The following RNF150 variants were observed in gnomAD, a reference collection of about 807,000 sequenced individuals.
RNF150 encodes ring finger protein 150.
Under a neutral mutation model 39.3 loss-of-function variants are expected in RNF150, and 24 were observed. That is an observed-to-expected ratio of 0.61 (90% CI 0.44 to 0.86). The LOEUF is 0.86. Among genes scored for constraint, RNF150 ranks in the 40% least tolerant of loss-of-function variants. The probability of loss-of-function intolerance (pLI) is 0.00; values close to 1 mark genes in which losing one functional copy is unlikely to be tolerated. For synonymous variants in RNF150, 255 were observed against 227.3 expected, an observed-to-expected ratio of 1.12 and a Z score of -1.10; for missense variants, 502 against 587.8, an observed-to-expected ratio of 0.85 and a Z score of 1.51.
intron 1 of RNF150, among the ~76,000 whole-genome samples, chr4:141,193,083 A>T (rs770940121): frequency 1.3e-5 from 2 of 152,134 alleles, no homozygotes; most frequent in Non-Finnish European, 2.9e-5. Context: ...TCTTCTTAGC[A>T]CTTATCTTTA....
chr4:140,893,273 G>T (rs915198252), intron 6 of RNF150, among the ~76,000 whole-genome samples: 3 of 152,108 alleles, frequency 2.0e-5, no homozygotes, highest in Admixed American at 1.3e-4. Context: ...TATTTTGCAA[G>T]ACTGCATCTC....
intron 1 of RNF150, among the ~76,000 whole-genome samples, chr4:141,143,591 G>A (rs957951804): frequency 6.6e-6 from 1 of 152,170 alleles, no homozygotes; most frequent in Admixed American, 6.5e-5. Flanking sequence ...GTCTCCACAC[G>A]GCAAGTCAGT....
intron 1 of RNF150, among the ~76,000 whole-genome samples, chr4:141,042,056 A>C (rs1736394076): frequency 6.6e-6 from 1 of 152,078 alleles, no homozygotes; most frequent in African/African-American, 2.4e-5. Context: ...TTGATGATTC[A>C]AGAATATAAA....
chr4:140,946,615 T>C (rs1355543006), intron 4 of RNF150, among the ~76,000 whole-genome samples: 1 of 152,140 alleles, frequency 6.6e-6, no homozygotes, highest in Non-Finnish European at 1.5e-5. Flanking sequence ...TCCTCCTGAG[T>C]AGCCAGGATT....
chr4:141,176,620 A>G (rs995095988), intron 1 of RNF150, among the ~76,000 whole-genome samples: 6 of 152,170 alleles, frequency 3.9e-5, no homozygotes, highest in African/African-American at 1.4e-4. Flanking sequence ...CTAATTTATA[A>G]ATACTTCCTT....
At chr4:140,972,518 A>G (rs1391540964) in intron 1 of RNF150, among the ~76,000 whole-genome samples, 2 of 152,196 alleles carry the variant, frequency 1.3e-5, no homozygotes, top group Non-Finnish European at 2.9e-5. Flanking sequence ...TTGTCCTCCA[A>G]TATTGGGCCT....
At chr4:141,155,794 C>G (rs893300709) in intron 1 of RNF150, among the ~76,000 whole-genome samples, 1 of 152,158 alleles carries the variant, frequency 6.6e-6, no homozygotes, top group African/African-American at 2.4e-5. Flanking sequence ...GCCAGGAATG[C>G]TGGTCAATTG....
At chr4:140,929,335 C>T (rs1004689588) in intron 4 of RNF150, among the ~76,000 whole-genome samples, 1 of 141,178 alleles carries the variant, frequency 7.1e-6, no homozygotes, top group Non-Finnish European at 1.5e-5. Context: ...ACTGGTCATT[C>T]TTACACCTCC....
intron 1 of RNF150, among the ~76,000 whole-genome samples, chr4:141,019,838 A>G (rs1172399917): frequency 1.3e-5 from 2 of 152,196 alleles, no homozygotes; most frequent in Non-Finnish European, 2.9e-5. Flanking sequence ...AGGCAGCTTT[A>G]AACACGTAAA....
chr4:141,076,798 ATAGTT>A (rs1375054228), intron 1 of RNF150, among the ~76,000 whole-genome samples: 1 of 152,114 alleles, frequency 6.6e-6, no homozygotes, highest in African/African-American at 2.4e-5. Context: ...TAAATACTAA[ATAGTT>A]TAGTTTTTTT....
At chr4:141,007,128 C>T (rs1015680156) in intron 1 of RNF150, among the ~76,000 whole-genome samples, 1 of 152,140 alleles carries the variant, frequency 6.6e-6, no homozygotes, top group Non-Finnish European at 1.5e-5. Context: ...AGTAATAAAT[C>T]CCCATCTCTT....
At chr4:141,165,078 C>T (rs901684827) in intron 1 of RNF150, among the ~76,000 whole-genome samples, 1 of 151,932 alleles carries the variant, frequency 6.6e-6, no homozygotes, top group Non-Finnish European at 1.5e-5. Flanking sequence ...ACAGACATAG[C>T]CTAAAACTAA....
At chr4:141,184,983 G>A (rs1413082412) in intron 1 of RNF150, among the ~76,000 whole-genome samples, 2 of 148,604 alleles carry the variant, frequency 1.3e-5, no homozygotes, top group East Asian at 4.0e-4. Flanking sequence ...TGTTCTTTTT[G>A]CTTCAGATTG....
intron 4 of RNF150, among the ~76,000 whole-genome samples, chr4:140,944,364 C>T (rs1209574906): frequency 6.6e-6 from 1 of 152,110 alleles, no homozygotes; most frequent in African/African-American, 2.4e-5. Context: ...TGAGGCTGAG[C>T]AGCTTTGTGG....
At chr4:141,100,944 G>T (rs1219154936) in intron 1 of RNF150, among the ~76,000 whole-genome samples, 1 of 152,128 alleles carries the variant, frequency 6.6e-6, no homozygotes, top group Non-Finnish European at 1.5e-5. Flanking sequence ...ATTTAAAATG[G>T]TACACCCGTT....
chr4:141,046,762 C>A (rs1403112519), intron 1 of RNF150, among the ~76,000 whole-genome samples: 2 of 152,098 alleles, frequency 1.3e-5, no homozygotes, highest in Non-Finnish European at 2.9e-5. Context: ...AGAGTGCCTC[C>A]CTCATACGAT....
At chr4:140,935,774 A>C (rs1440402567) in intron 4 of RNF150, among the ~76,000 whole-genome samples, 3 of 152,174 alleles carry the variant, frequency 2.0e-5, no homozygotes, top group Non-Finnish European at 4.4e-5. Context: ...TTTGGTACTT[A>C]AGTTTTTTTC....
At chr4:140,980,382 G>A (rs1733815933) in intron 1 of RNF150, among the ~76,000 whole-genome samples, 1 of 151,986 alleles carries the variant, frequency 6.6e-6, no homozygotes. Flanking sequence ...CAAGAACCTA[G>A]AATTACAATT....
chr4:141,083,968 T>C (rs1738254512), intron 1 of RNF150, among the ~76,000 whole-genome samples: 1 of 152,252 alleles, frequency 6.6e-6, no homozygotes, highest in African/African-American at 2.4e-5. Flanking sequence ...TCTGTACATA[T>C]ACACCTAATT....
Sources: gnomAD v4.1 joint callset for allele counts (sites outside exome capture counted in the v4.1 genomes callset) on GRCh38, gnomAD v4.1.1 for gene constraint, MANE v1.5 for transcripts, NCBI Gene and HGNC (gene_info 2026-07-23, HGNC 2026-07-21) for gene names.